COL12A1: variants seen among roughly 807,000 people sequenced by gnomAD.
COL12A1 encodes the protein collagen type XII alpha 1 chain.
COL12A1 carries 114 observed loss-of-function variants against 349.7 expected under a neutral mutation model. The observed-to-expected ratio is 0.33, with a 90% CI of 0.28 to 0.38. COL12A1 has a LOEUF of 0.38. COL12A1 is among the 10% of genes least tolerant of loss of function. The pLI is 1.00. For synonymous variants in COL12A1, 1,369 were observed against 1,329.0 expected, an observed-to-expected ratio of 1.03 and a Z score of -0.66; for missense variants, 3,284 against 3,756.9, an observed-to-expected ratio of 0.87 and a Z score of 3.29.
intron 39 of COL12A1, among the ~76,000 whole-genome samples, chr6:75,126,131 C>A (rs1766001289): frequency 6.6e-6 from 1 of 151,690 alleles, no homozygotes; most frequent in African/African-American, 2.4e-5. Context: ...ACTTTTTAAT[C>A]ATGACATTTA....
rs550921650 is a variant in COL12A1 at position 75,136,752 on chromosome 6, T to C, written c.5394+685A>G. ...TGACCTAGGATAATACATGCAGTTC[T>C]AATTACATAGTTCACAAAAGGCAAA... On this transcript the variant is annotated intron_variant, in intron 31 of 65. Transcript: ENST00000322507. 1.2e-3 allele frequency among the ~76,000 whole-genome samples: 183 copies of C among 152,322 alleles called. 1 individual carries two copies. Among genetic ancestry groups the C allele is most frequent in the African/African-American group, 4.3e-3 (179 of 41,572 alleles).
Position 75,143,365 on chromosome 6 carries a change from G to T in COL12A1, c.4714C>A (p.Leu1572Met), listed in dbSNP as rs1199269734. 3 of 1,613,696 alleles carry T rather than the reference G, an allele frequency of 1.9e-6. No homozygotes were observed. Among genetic ancestry groups the T allele is most frequent in the Non-Finnish European group, 2.5e-6 (3 of 1,179,894 alleles). ...CTGTGAGTCACATCTCTGAGTTTCA[G>T]ATCCTGAGGTCTGGGTAAAGGCACT... ...VTLPLPRPQDLKLRDVTHSTM... is the reference protein window; with the variant it reads ...VTLPLPRPQDMKLRDVTHSTM... The change falls in exon 26 of 66, where the codon CTG becomes ATG. Residue 1572 changes from leucine to methionine, a missense_variant. Physicochemically the swap from Leu to Met is conservative, Grantham distance 15. Transcript: ENST00000322507.
chr6:75,175,604 T>C (rs1768898232), intron 12 of COL12A1, among the ~76,000 whole-genome samples: 1 of 152,254 alleles, frequency 6.6e-6, no homozygotes, highest in African/African-American at 2.4e-5. Context: ...AGTTTCCCTG[T>C]ATTTCCTTAA....
chr6:75,088,248 G>T (rs1333671829), intron 64 of COL12A1, among the ~76,000 whole-genome samples: 4 of 152,164 alleles, frequency 2.6e-5, no homozygotes, highest in African/African-American at 4.8e-5. Context: ...AATGAAAAAA[G>T]AAATCATTTA....
chr6:75,138,813 G>T lies in COL12A1; in HGVS notation c.5097+9C>A, dbSNP rs1766752977. The T allele has an allele frequency of 1.2e-6, 2 of 1,613,618 alleles. No individual in the cohort carries two copies. Among genetic ancestry groups the T allele is most frequent in the African/African-American group, 1.3e-5 (1 of 74,910 alleles). On this transcript the variant is annotated intron_variant, in intron 28 of 65. Coordinates refer to ENST00000322507, the MANE Select transcript of COL12A1 (RefSeq NM_004370.6). ...AAAGACAGAGAGAAAGATAAAGAGAGTTAACTACCTCCATCTTATCTGAGC... is the reference window on the plus strand; with the variant it reads ...AAAGACAGAGAGAAAGATAAAGAGATTTAACTACCTCCATCTTATCTGAGC...
Position 75,085,430 on chromosome 6 carries a change from A to C in COL12A1, c.*1117T>G. 5.0e-6 allele frequency: 2 copies of C among 402,256 alleles called. No homozygotes were observed. 24.9% of individuals were successfully genotyped at this position (402,256 alleles called of 1,614,324 possible). ...GGCACACACACACACACACAGCAAAAGCTAAATCATCACCCGCGGTGATGG... is the reference window on the plus strand; with the variant it reads ...GGCACACACACACACACACAGCAAACGCTAAATCATCACCCGCGGTGATGG... On this transcript the variant is annotated 3_prime_UTR_variant, in exon 66 of 66. Coordinates refer to ENST00000322507, the MANE Select transcript of COL12A1 (RefSeq NM_004370.6).
chr6:75,133,780 A>T, intron 33 of COL12A1, 78 bp downstream of exon 33: 2 of 1,531,286 alleles, frequency 1.3e-6, no homozygotes, highest in Non-Finnish European at 1.8e-6. Flanking sequence ...CAAACTGGTT[A>T]ACTCCTTCAG....
chr6:75,183,537 T>A lies in COL12A1; in HGVS notation c.1404A>T (p.Lys468Asn). 1 of 1,614,144 alleles carries A rather than the reference T, an allele frequency of 6.2e-7. No homozygotes were observed. Among genetic ancestry groups the A allele is most frequent in the Non-Finnish European group, 8.5e-7 (1 of 1,180,030 alleles). The change falls in exon 10 of 66, where the codon AAA becomes AAT. Residue 468 changes from lysine to asparagine, a missense_variant. Transcript: ENST00000322507. ...KVRAFLEVLVKSFEISPNRVQ... is the reference protein window; with the variant it reads ...KVRAFLEVLVNSFEISPNRVQ... ...CCCTATTTGGTGAAATTTCAAAACT[T>A]TTTACAAGAACTTCCAAAAAGGCTC...
In COL12A1 at chr6:75,140,655, CAAAAAAAAAA is replaced by C. The variant is rs1236499281; in HGVS notation, c.4957+1367_4957+1376del. On this transcript the variant is annotated intron_variant, in intron 27 of 65. Coordinates refer to ENST00000322507, the MANE Select transcript of COL12A1 (RefSeq NM_004370.6). ...TGGGTGACAGAGCGAGACTCTGTCT[CAAAAAAAAAA>C]AAAAAAAAAAAAAGCAGGTTATAAC... Among the ~76,000 whole-genome samples, 4 of 46,134 alleles carry C rather than the reference CAAAAAAAAAA, an allele frequency of 8.7e-5. No individual in the cohort carries two copies. In the South Asian group the frequency reaches 3.1e-3, roughly 36 times the overall value. 30.3% of individuals were successfully genotyped at this position (46,134 alleles called of 152,430 possible).
rs536679905 is a variant in COL12A1 at position 75,109,096 on chromosome 6, G to C, written c.8022C>G (p.Ile2674Met). ...IDCYEIIEKDIKEAGNITTDG... is the reference protein window; with the variant it reads ...IDCYEIIEKDMKEAGNITTDG... ...CAGTTGTTATATTTCCAGCTTCCTT[G>C]ATGTCTTTTTCTATAATTTCATAGC... Residue 2674 changes from isoleucine (I) to methionine (M), a missense_variant, in exon 52 of 66, where the codon ATC becomes ATG. Ile to Met is a conservative substitution (Grantham distance 10). Coordinates refer to ENST00000322507, the MANE Select transcript of COL12A1 (RefSeq NM_004370.6). The C allele has an allele frequency of 2.5e-6, 4 of 1,610,894 alleles. No homozygotes were observed. The highest frequency in any genetic ancestry group is 3.4e-6 in the Non-Finnish European group (4 of 1,177,756).
Position 75,152,238 on chromosome 6 carries a change from T to A in COL12A1, c.3728A>T (p.Tyr1243Phe). 3.1e-6 allele frequency: 5 copies of A among 1,613,710 alleles called. No individual in the cohort carries two copies. Among genetic ancestry groups the A allele is most frequent in the Non-Finnish European group, 4.2e-6 (5 of 1,179,734 alleles). Residue 1243 changes from tyrosine (Y) to phenylalanine (F), a missense_variant, in exon 19 of 66, where the codon TAT (tyrosine) becomes TTT (phenylalanine). Tyr to Phe is a conservative substitution (Grantham distance 22). Coordinates refer to ENST00000322507, the MANE Select transcript of COL12A1 (RefSeq NM_004370.6). ...PKRVQIALAQ[Y>F]SGDPRTEWQL... ...CCACTCTGTTCTGGGATCCCCACTA[T>A]ACTGAGCAAGAGCTAAAATGACACC...
At chr6:75,177,539 G>A in intron 12 of COL12A1, 124 bp downstream of exon 12, 1 of 1,199,748 alleles carries the variant, frequency 8.3e-7, no homozygotes, top group Non-Finnish European at 1.2e-6. Context: ...AAGGACTATG[G>A]TCTAACATAC....
chr6:75,120,398 T>C (rs1417229296), intron 44 of COL12A1, among the ~76,000 whole-genome samples: 1 of 152,176 alleles, frequency 6.6e-6, no homozygotes, highest in Non-Finnish European at 1.5e-5. Context: ...CTTATTTTCA[T>C]AATGCCACAA....
chr6:75,129,264 A>G (rs1766179346), intron 37 of COL12A1, among the ~76,000 whole-genome samples: 1 of 152,216 alleles, frequency 6.6e-6, no homozygotes, highest in Non-Finnish European at 1.5e-5. Flanking sequence ...ATTAATAAAA[A>G]TAGGGACTTG....
chr6:75,121,169 T>G, intron 44 of COL12A1, 133 bp downstream of exon 44: 1 of 761,868 alleles, frequency 1.3e-6, no homozygotes, highest in Non-Finnish European at 1.9e-6. Flanking sequence ...CAAAAATACA[T>G]GAATAAAAGA....
intron 16 of COL12A1, 52 bp downstream of exon 16, chr6:75,155,610 C>A (rs1379507625): frequency 1.3e-6 from 2 of 1,536,328 alleles, no homozygotes; most frequent in Non-Finnish European, 8.8e-7. Context: ...AGCTATTCAA[C>A]CTTGTAAACA....
rs546892272 is a variant in COL12A1, at chr6:75,172,132, C to T, written c.2710+2906G>A. On this transcript the variant is annotated intron_variant, in intron 13 of 65. Coordinates refer to ENST00000322507, the MANE Select transcript of COL12A1 (RefSeq NM_004370.6). The stretch of plus-strand genomic sequence containing the variant: ...TAGAGATTGTTTCTTATCAAAGACA[C>T]GTGCGTGTGTGTATACTCACACATG... 5.1e-4 allele frequency among the ~76,000 whole-genome samples: 77 copies of T among 152,306 alleles called. 1 individual carries two copies. Among genetic ancestry groups the T allele is most frequent in the African/African-American group, 1.8e-3 (76 of 41,568 alleles).
intron 65 of COL12A1, 181 bp downstream of exon 65, chr6:75,087,396 C>T (rs1767553173): frequency 3.5e-6 from 2 of 569,890 alleles, no homozygotes; most frequent in Non-Finnish European, 2.9e-6. Context: ...TAATTCAATC[C>T]TAACAGTGAA....
chr6:75,200,880 T>C (rs1411421609), intron 2 of COL12A1, among the ~76,000 whole-genome samples: 5 of 150,214 alleles, frequency 3.3e-5, no homozygotes, highest in African/African-American at 1.2e-4. Context: ...TGAATCCTAT[T>C]AAAATATAAT....
Sources: gnomAD v4.1 joint callset for allele counts (sites outside exome capture counted in the v4.1 genomes callset) on GRCh38, gnomAD v4.1.1 for gene constraint, MANE v1.5 for transcripts, NCBI Gene and HGNC (gene_info 2026-07-23, HGNC 2026-07-21) for gene names.